FRMPD4: variants seen among roughly 807,000 people sequenced by gnomAD.
FRMPD4 encodes the protein FERM and PDZ domain containing 4, also known as FERM and PDZ domain-containing protein 4.
FRMPD4 carries 22 observed loss-of-function variants against 94.1 expected under a neutral mutation model. That is an observed-to-expected ratio of 0.23 (90% confidence interval 0.17 to 0.33). FRMPD4 has a LOEUF of 0.33. FRMPD4 is among the 10% of genes least tolerant of loss of function. The probability of loss-of-function intolerance (pLI) is 1.00; values close to 1 mark genes in which losing one functional copy is unlikely to be tolerated. For synonymous variants in FRMPD4, 631 were observed against 548.6 expected, an observed-to-expected ratio of 1.15 and a Z score of -2.10; for missense variants, 1,111 against 1,339.9, an observed-to-expected ratio of 0.83 and a Z score of 2.67.
chrX:12,377,164 A>G (rs2056250644), intron 1 of FRMPD4, among the ~76,000 whole-genome samples: 1 of 112,599 alleles, frequency 8.9e-6, no homozygotes, highest in East Asian at 2.8e-4. Flanking sequence ...ACAGGGCAAC[A>G]TATATAGCCA....
intron 1 of FRMPD4, among the ~76,000 whole-genome samples, chrX:12,251,017 G>A (rs772390406): frequency 3.6e-5 from 4 of 112,086 alleles, no homozygotes; most frequent in Admixed American, 9.4e-5. Context: ...GCACCTATCC[G>A]CCAGGAAAGG....
intron 1 of FRMPD4, among the ~76,000 whole-genome samples, chrX:12,269,721 G>A (rs1298933224): frequency 9.0e-6 from 1 of 111,300 alleles, no homozygotes; most frequent in African/African-American, 3.3e-5. Context: ...CACATCCCAC[G>A]GTGCCAAGGG....
At chrX:11,921,860 T>G (rs187161811) in intron 3 of FRMPD4, among the ~76,000 whole-genome samples, 3 of 112,326 alleles carry the variant, frequency 2.7e-5, no homozygotes, top group African/African-American at 9.7e-5. Context: ...AAAATTTGTT[T>G]CTTGCTTAGT....
chrX:11,886,429 T>G (rs1202938783), intron 3 of FRMPD4, among the ~76,000 whole-genome samples: 1 of 111,461 alleles, frequency 9.0e-6, no homozygotes, highest in Non-Finnish European at 1.9e-5. Context: ...CAAACAGAGA[T>G]GTCAGAAGGT....
At chrX:11,978,380 A>G (rs2147386408) in intron 3 of FRMPD4, among the ~76,000 whole-genome samples, 1 of 106,922 alleles carries the variant, frequency 9.4e-6, no homozygotes. Flanking sequence ...GTCCATTCAG[A>G]TGGTTGGGGG....
chrX:12,383,869 T>G (rs1205579268), intron 1 of FRMPD4, among the ~76,000 whole-genome samples: 1 of 111,734 alleles, frequency 8.9e-6, no homozygotes, highest in Non-Finnish European at 1.9e-5. Flanking sequence ...CTACGGAGCC[T>G]CGTGTCATGG....
At chrX:12,067,257 A>G (rs2054929176) in intron 3 of FRMPD4, among the ~76,000 whole-genome samples, 1 of 110,963 alleles carries the variant, frequency 9.0e-6, no homozygotes, top group Non-Finnish European at 1.9e-5. Flanking sequence ...ATCAGAAGAT[A>G]GCCACCGCAC....
At chrX:12,094,046 ATCT>A (rs773756094) in intron 3 of FRMPD4, among the ~76,000 whole-genome samples, 49 of 112,448 alleles carry the variant, frequency 4.4e-4, no homozygotes, top group African/African-American at 1.5e-3. Flanking sequence ...GGCTTTCCAA[ATCT>A]TCTCATTTGC....
chrX:11,949,139 T>C (rs1443076998), intron 3 of FRMPD4, among the ~76,000 whole-genome samples: 3 of 112,023 alleles, frequency 2.7e-5, no homozygotes, highest in Admixed American at 1.9e-4. Context: ...AATTAGAGAC[T>C]TGGAGAAGAG....
At chrX:11,943,062 C>T (rs866548910) in intron 3 of FRMPD4, among the ~76,000 whole-genome samples, 1 of 111,963 alleles carries the variant, frequency 8.9e-6, no homozygotes, top group Non-Finnish European at 1.9e-5. Flanking sequence ...AATCAGTAGA[C>T]CTTTCCTTCT....
chrX:12,493,889 T>C (rs1481526120), intron 1 of FRMPD4, among the ~76,000 whole-genome samples: 1 of 112,290 alleles, frequency 8.9e-6, no homozygotes, highest in Non-Finnish European at 1.9e-5. Context: ...CATTGTACTT[T>C]AGAGCTTTAT....
chrX:12,160,932 ATAT>A (rs1365818125), intron 1 of FRMPD4, among the ~76,000 whole-genome samples: 1 of 111,071 alleles, frequency 9.0e-6, no homozygotes, highest in Non-Finnish European at 1.9e-5. Flanking sequence ...ATGGTTATTA[ATAT>A]TAATATTAGC....
intron 3 of FRMPD4, among the ~76,000 whole-genome samples, chrX:12,118,706 T>A (rs1037605653): frequency 1.8e-5 from 2 of 111,738 alleles, no homozygotes; most frequent in Non-Finnish European, 3.8e-5. Context: ...TTGCAAGAGT[T>A]AGAAATCTGC....
chrX:12,498,765 G>C lies in FRMPD4; in HGVS notation c.127G>C (p.Ala43Pro). The C allele has an allele frequency of 8.5e-7, 1 of 1,177,431 alleles. No individual in the cohort carries two copies. The highest frequency in any genetic ancestry group is 1.2e-6 in the Non-Finnish European group (1 of 867,127). ...GCCGCCCTATGGATGGGAGATGACG[G>C]CAAACCGAGATGGGCGAGACTACTT... ...QVPPYGWEMT[A>P]NRDGRDYFIN... The change falls in exon 2 of 17, where the codon GCA (alanine) becomes CCA (proline). Residue 43 changes from alanine to proline, a missense_variant. Physicochemically the swap from Ala to Pro is conservative, Grantham distance 27 (BLOSUM62 -1). This residue lies in a region of FRMPD4 where 140 missense variants were observed against 165.9 expected (regional missense o/e 0.84). Transcript: ENST00000675598.
intron 3 of FRMPD4, among the ~76,000 whole-genome samples, chrX:12,128,884 C>T (rs1191583564): frequency 1.8e-5 from 2 of 111,948 alleles, no homozygotes; most frequent in Non-Finnish European, 1.9e-5. Context: ...AGTTTCTTTG[C>T]TATAGCATAG....
At chrX:12,128,213 C>T (rs2055517566) in intron 3 of FRMPD4, among the ~76,000 whole-genome samples, 1 of 113,461 alleles carries the variant, frequency 8.8e-6, no homozygotes, top group Non-Finnish European at 1.9e-5. Context: ...ATGCAGCAAA[C>T]TTCTGCCTGG....
chrX:12,074,128 C>T lies in FRMPD4; in HGVS notation c.95+196110C>T, dbSNP rs756838856. ...CATTGTATATGTTTTAGGTTTGTGA[C>T]GTGTTTGTTATACAGGAATAATTTA... On this transcript the variant is annotated intron_variant, in intron 3 of 18. Transcript: ENST00000640291. Among the ~76,000 whole-genome samples, 7 of 111,788 alleles carry T rather than the reference C, an allele frequency of 6.3e-5. No individual in the cohort carries two copies. In the South Asian group the frequency reaches 1.1e-3, roughly 18 times the overall value.
intron 1 of FRMPD4, among the ~76,000 whole-genome samples, chrX:12,304,342 A>G (rs770357291): frequency 5.4e-5 from 6 of 111,047 alleles, no homozygotes; most frequent in African/African-American, 1.6e-4. Context: ...AGGCTTGATA[A>G]TTCTCTTTTT....
chrX:12,146,575 T>C (rs1433554860), intron 1 of FRMPD4, among the ~76,000 whole-genome samples: 3 of 111,586 alleles, frequency 2.7e-5, no homozygotes, highest in Non-Finnish European at 5.6e-5. Context: ...AACTCTTCAT[T>C]TTGTCTGGAA....
Sources: allele counts gnomAD v4.1 joint callset (sites outside exome capture counted in the v4.1 genomes callset), GRCh38; gene constraint gnomAD v4.1.1; regional missense constraint gnomAD v4.1.1; transcripts MANE v1.5; gene names NCBI Gene and HGNC (gene_info 2026-07-23, HGNC 2026-07-21).